GALNT11: variants seen among roughly 807,000 people sequenced by gnomAD.
GALNT11 encodes UDP-GalNAc:polypeptide N-acetylgalactosaminyltransferase 11.
Under a neutral mutation model 72.7 loss-of-function variants are expected in GALNT11, and 47 were observed. The ratio of observed to expected loss-of-function variants is 0.65; its 90% confidence interval spans 0.51 to 0.82. The LOEUF (loss-of-function observed/expected upper bound fraction) is 0.82. GALNT11 is among the 40% of genes least tolerant of loss of function. The probability of loss-of-function intolerance (pLI) is 0.00; values close to 1 mark genes in which losing one functional copy is unlikely to be tolerated. For synonymous variants in GALNT11, 270 were observed against 286.6 expected (o/e 0.94, Z 0.58); for missense variants, 677 against 778.4 (o/e 0.87, Z 1.55).
At chr7:152,113,438 C>T (rs1441727998) in intron 8 of GALNT11, 40 bp downstream of exon 8, 3 of 1,602,496 alleles carry the variant, frequency 1.9e-6, no homozygotes, top group East Asian at 4.5e-5. Context: ...GAATGATAGG[C>T]CGGCAGTGAC....
intron 1 of GALNT11, among the ~76,000 whole-genome samples, chr7:152,080,957 C>T (rs192569576): frequency 8.5e-5 from 13 of 152,086 alleles, no homozygotes; most frequent in East Asian, 1.9e-4. Context: ...GCGACAAGAG[C>T]GAAACTCTGA....
intron 1 of GALNT11, among the ~76,000 whole-genome samples, chr7:152,036,766 T>C (rs948178338): frequency 6.6e-6 from 1 of 152,234 alleles, no homozygotes; most frequent in Admixed American, 6.5e-5. Flanking sequence ...GCCTGTCTTT[T>C]GGATATAAGC....
At chr7:152,067,475 T>C (rs2129005548) in intron 1 of GALNT11, among the ~76,000 whole-genome samples, 1 of 152,354 alleles carries the variant, frequency 6.6e-6, no homozygotes, top group Non-Finnish European at 1.5e-5. Flanking sequence ...TACTTTGGGC[T>C]ATAATGCAAT....
At chr7:152,077,249 A>G (rs1034873151) in intron 1 of GALNT11, among the ~76,000 whole-genome samples, 7 of 152,198 alleles carry the variant, frequency 4.6e-5, no homozygotes, top group African/African-American at 1.7e-4. Flanking sequence ...GCCAGCTGAT[A>G]CTTTTCTGAA....
intron 3 of GALNT11, among the ~76,000 whole-genome samples, chr7:152,102,484 G>GA (rs2087037325): frequency 6.6e-6 from 1 of 151,934 alleles, no homozygotes; most frequent in Non-Finnish European, 1.5e-5. Flanking sequence ...GGAGGTTGCA[G>GA]TGAGCCGAGA....
intron 10 of GALNT11, 105 bp downstream of exon 10, chr7:152,118,887 C>T: frequency 2.4e-6 from 2 of 819,504 alleles, no homozygotes; most frequent in South Asian, 4.1e-5. Context: ...ACTATTCTGG[C>T]TTTTCTTAAC....
intron 1 of GALNT11, among the ~76,000 whole-genome samples, chr7:152,092,230 C>T (rs1057006093): frequency 6.6e-6 from 1 of 152,134 alleles, no homozygotes; most frequent in Non-Finnish European, 1.5e-5. Flanking sequence ...TGTCTGTTTC[C>T]CCTAAATGTC....
chr7:152,032,508 G>GT (rs2082352502), intron 1 of GALNT11, among the ~76,000 whole-genome samples: 1 of 152,198 alleles, frequency 6.6e-6, no homozygotes. Flanking sequence ...TGACCGTTCG[G>GT]TTTTTGTACT....
At chr7:152,118,905 TGTGTA>T in intron 10 of GALNT11, 123 bp downstream of exon 10, 1 of 669,520 alleles carries the variant, frequency 1.5e-6, no homozygotes, top group Non-Finnish European at 2.4e-6. Flanking sequence ...AACCCATTTC[TGTGTA>T]GTGTTGCGTT....
chr7:152,095,725 T>C (rs1414775264), intron 2 of GALNT11, among the ~76,000 whole-genome samples: 1 of 152,192 alleles, frequency 6.6e-6, no homozygotes, highest in Non-Finnish European at 1.5e-5. Context: ...TATAGTTACA[T>C]TGGTAAAGCT....
intron 1 of GALNT11, among the ~76,000 whole-genome samples, chr7:152,053,851 C>T (rs2083517509): frequency 6.6e-6 from 1 of 152,140 alleles, no homozygotes; most frequent in African/African-American, 2.4e-5. Flanking sequence ...ATAAATAAAC[C>T]TTGCAATTTA....
At chr7:152,036,757 C>T (rs2082600425) in intron 1 of GALNT11, among the ~76,000 whole-genome samples, 1 of 152,158 alleles carries the variant, frequency 6.6e-6, no homozygotes, top group Non-Finnish European at 1.5e-5. Flanking sequence ...TTCATTATTG[C>T]CTGTCTTTTG....
At chr7:152,062,364 G>T (rs573373070) in intron 1 of GALNT11, among the ~76,000 whole-genome samples, 6 of 152,186 alleles carry the variant, frequency 3.9e-5, no homozygotes, top group Admixed American at 2.0e-4. Context: ...GGAGATTTTG[G>T]GCTGAGACGA....
At chr7:152,083,659 A>G (rs1339214410) in intron 1 of GALNT11, among the ~76,000 whole-genome samples, 1 of 152,110 alleles carries the variant, frequency 6.6e-6, no homozygotes, top group African/African-American at 2.4e-5. Flanking sequence ...TTACCTGGCT[A>G]TTCCCTGCTT....
chr7:152,077,761 G>C (rs2085072644), intron 1 of GALNT11, among the ~76,000 whole-genome samples: 1 of 152,092 alleles, frequency 6.6e-6, no homozygotes, highest in African/African-American at 2.4e-5. Context: ...CACCAAGTCA[G>C]TGTAACCAGG....
At chr7:152,100,555 A>G (rs897323444) in intron 2 of GALNT11, among the ~76,000 whole-genome samples, 5 of 150,708 alleles carry the variant, frequency 3.3e-5, no homozygotes, top group African/African-American at 1.2e-4. Flanking sequence ...ACAGAGGGAA[A>G]CTCCATCTCA....
rs143254586 is a variant in GALNT11, at chr7:152,097,701, A to G, written c.296-3097A>G. Among the ~76,000 whole-genome samples the G allele has an allele frequency of 1.1e-3, 170 of 152,338 alleles. 2 individuals carry two copies. The highest frequency in any genetic ancestry group is 4.0e-3 in the African/African-American group (165 of 41,584). On this transcript the variant is annotated intron_variant, in intron 2 of 11. Coordinates refer to ENST00000430044, the MANE Select transcript of GALNT11 (RefSeq NM_022087.4). Reference sequence around the variant, plus strand: ...GGAATGACGTTGTGATCATGCTACAACATGGATGAACCTTGAAAACATTAT... The same window carrying G: ...GGAATGACGTTGTGATCATGCTACAGCATGGATGAACCTTGAAAACATTAT...
chr7:152,049,107 C>T (rs2083275712), intron 1 of GALNT11, among the ~76,000 whole-genome samples: 1 of 150,588 alleles, frequency 6.6e-6, no homozygotes, highest in African/African-American at 2.5e-5. Flanking sequence ...ATCTAGCTCT[C>T]CAAGATTGGT....
chr7:152,049,069 C>G (rs2083274369), intron 1 of GALNT11, among the ~76,000 whole-genome samples: 1 of 150,660 alleles, frequency 6.6e-6, no homozygotes, highest in Admixed American at 6.6e-5. Flanking sequence ...AAACAGCTAT[C>G]TTGAATTATT....
Sources: gnomAD v4.1 joint callset for allele counts (sites outside exome capture counted in the v4.1 genomes callset) on GRCh38, gnomAD v4.1.1 for gene constraint, MANE v1.5 for transcripts, NCBI Gene and HGNC (gene_info 2026-07-23, HGNC 2026-07-21) for gene names.